The following CDC6 variants were observed in gnomAD, a reference collection of about 807,000 sequenced individuals.
The protein encoded by CDC6 is DNA replication factor CDC6.
A neutral mutation model predicts 60.2 loss-of-function variants in CDC6; 46 were observed. That is an observed-to-expected ratio of 0.76 (90% CI 0.60 to 0.98). The LOEUF (loss-of-function observed/expected upper bound fraction) is 0.98, where lower values mean the gene tolerates loss of function less well. CDC6 is among the 50% of genes least tolerant of loss of function. The probability of loss-of-function intolerance (pLI) is 0.00; values close to 1 mark genes in which losing one functional copy is unlikely to be tolerated. For missense variants in CDC6, 596 were observed against 652.9 expected, an observed-to-expected ratio of 0.91 and a Z score of 0.95; for synonymous variants, 210 against 233.2, an observed-to-expected ratio of 0.90 and a Z score of 0.90.
At chr17:40,299,166 T>TTTTTTTTTTTTG (rs1197322332) in intron 9 of CDC6, among the ~76,000 whole-genome samples, 1 of 138,876 alleles carries the variant, frequency 7.2e-6, no homozygotes. Context: ...TTTTTTTTTT[T>TTTTTTTTTTTTG]GAGACAGGGT....
intron 11 of CDC6, 84 bp from the exon 12 acceptor site, chr17:40,301,828 G>A (rs1018634509): frequency 9.8e-5 from 102 of 1,038,270 alleles, no homozygotes; most frequent in Non-Finnish European, 1.5e-4. Context: ...GTGAGAAAAA[G>A]TTTAATATGG....
chr17:40,297,736 G>A (rs1013546137), intron 9 of CDC6, among the ~76,000 whole-genome samples: 3 of 151,876 alleles, frequency 2.0e-5, no homozygotes, highest in African/African-American at 7.3e-5. Flanking sequence ...CCACTGCACT[G>A]CCAGCCTGGG....
chr17:40,295,547 A>C, intron 8 of CDC6, 91 bp downstream of exon 8: 2 of 900,778 alleles, frequency 2.2e-6, no homozygotes, highest in Middle Eastern at 5.4e-4. Context: ...AATGTGGCTT[A>C]AGAGGCTCTG....
At chr17:40,296,472 C>A (rs530773656) in intron 8 of CDC6, among the ~76,000 whole-genome samples, 1 of 152,182 alleles carries the variant, frequency 6.6e-6, no homozygotes, top group African/African-American at 2.4e-5. Context: ...CAATTAAGTC[C>A]CCTTATCTGA....
chr17:40,291,836 C>T (rs1400505862), intron 4 of CDC6, among the ~76,000 whole-genome samples, 168 bp downstream of exon 4: 3 of 152,178 alleles, frequency 2.0e-5, no homozygotes, highest in Non-Finnish European at 4.4e-5. Context: ...AGCTCTGCCT[C>T]CCAGGTTCAC....
chr17:40,289,875 ATTTTTTT>A (rs5820342), intron 2 of CDC6, among the ~76,000 whole-genome samples: 5 of 117,614 alleles, frequency 4.3e-5, no homozygotes, highest in South Asian at 5.4e-4. Context: ...AGCCTGGCTA[ATTTTTTT>A]TTTTTTTTTT....
intron 9 of CDC6, among the ~76,000 whole-genome samples, chr17:40,300,343 A>G (rs1167073433): frequency 2.6e-5 from 4 of 152,112 alleles, no homozygotes; most frequent in Non-Finnish European, 5.9e-5. Context: ...CTGAGATACT[A>G]GGAACTAGCC....
At chr17:40,299,752 A>C (rs1219598657) in intron 9 of CDC6, among the ~76,000 whole-genome samples, 1 of 133,656 alleles carries the variant, frequency 7.5e-6, no homozygotes, top group Non-Finnish European at 1.7e-5. Flanking sequence ...TACCAAAAAG[A>C]AAAAAAAAAA....
At position 40,300,997 on chromosome 17, in the gene CDC6, G is replaced by T. The variant is rs1272811130; in HGVS notation, c.1419G>T (p.Arg473Ser). The change falls in exon 10 of 12, where the codon AGG (arginine) becomes AGT (serine). Residue 473 changes from arginine to serine, a missense_variant. By Grantham distance (110) the Arg-to-Ser change is moderately radical (BLOSUM62 -1). Coordinates refer to ENST00000209728, the MANE Select transcript of CDC6 (RefSeq NM_001254.4). ...ILVCSLMLLIRQLKIKEVTLG... is the reference protein window; with the variant it reads ...ILVCSLMLLISQLKIKEVTLG... ...TTTGCTCTTTGATGCTCTTGATCAG[G>T]CAGTTGAAAATCAAAGAGGTCACTC... The T allele has an allele frequency of 1.2e-6, 2 of 1,613,944 alleles. No homozygotes were observed. Among genetic ancestry groups the T allele is most frequent in the East Asian group, 4.5e-5 (2 of 44,874 alleles).
At chr17:40,296,371 C>A (rs1369872534) in intron 8 of CDC6, among the ~76,000 whole-genome samples, 1 of 152,124 alleles carries the variant, frequency 6.6e-6, no homozygotes, top group African/African-American at 2.4e-5. Context: ...AAAATGTTAT[C>A]ATTGGCTTAA....
chr17:40,299,165 T>C (rs2032902039), intron 9 of CDC6, among the ~76,000 whole-genome samples: 1 of 143,472 alleles, frequency 7.0e-6, no homozygotes, highest in South Asian at 2.3e-4. Flanking sequence ...TTTTTTTTTT[T>C]TGAGACAGGG....
chr17:40,292,190 C>T (rs1379862656), intron 4 of CDC6, among the ~76,000 whole-genome samples: 1 of 152,126 alleles, frequency 6.6e-6, no homozygotes, highest in East Asian at 1.9e-4. Flanking sequence ...GCACTCACCA[C>T]TACACCCAGC....
At chr17:40,290,743 G>A (rs1180079582) in intron 2 of CDC6, among the ~76,000 whole-genome samples, 2 of 152,156 alleles carry the variant, frequency 1.3e-5, no homozygotes, top group African/African-American at 4.8e-5. Context: ...TTCATGTCTT[G>A]GGTAGGATGG....
At chr17:40,293,856 C>G (rs765450865) in intron 5 of CDC6, 94 bp from the exon 6 acceptor site, 26 of 1,126,782 alleles carry the variant, frequency 2.3e-5, no homozygotes, top group Non-Finnish European at 3.5e-5. Context: ...TTAAACTGGT[C>G]TCAGCTTTAG....
At chr17:40,299,445 G>GTGTTGTCCCCACTATGTGTCTA (rs1567736709) in intron 9 of CDC6, among the ~76,000 whole-genome samples, 37 of 152,072 alleles carry the variant, frequency 2.4e-4, no homozygotes, top group African/African-American at 8.7e-4. Flanking sequence ...AGGCCCCAGT[G>GTGTTGTCCCCACTATGTGTCTA]TGTGTTGTCC....
chr17:40,289,560 G>C lies in CDC6; in HGVS notation c.140G>C (p.Arg47Pro). 2 of 1,613,916 alleles carry C rather than the reference G, an allele frequency of 1.2e-6. No homozygotes were observed. Among genetic ancestry groups the C allele is most frequent in the Non-Finnish European group, 1.7e-6 (2 of 1,179,988 alleles). ...TNVQTVTCSPRVKALPLSPRK... is the reference protein window; with the variant it reads ...TNVQTVTCSPPVKALPLSPRK... ...GTCCAAACCGTAACCTGTTCTCCTC[G>C]TGTAAAAGCCCTGCCTCTCAGCCCC... Residue 47 changes from arginine (R) to proline (P), a missense_variant, in exon 2 of 12, where the codon CGT (arginine) becomes CCT (proline). By Grantham distance (103) the Arg-to-Pro change is moderately radical (BLOSUM62 -2). Coordinates refer to ENST00000209728, the MANE Select transcript of CDC6 (RefSeq NM_001254.4).
At position 40,287,968 on chromosome 17, in the gene CDC6, G is replaced by C. The variant is rs559165749; in HGVS notation, c.-136G>C. ...TGTGGTGGTGAGTCCGAGAGGCTGC[G>C]TGTGAGAGACGTGAGAAGGATCCTG... On this transcript the variant is annotated 5_prime_UTR_variant, in exon 1 of 12. Coordinates refer to ENST00000209728, the MANE Select transcript of CDC6 (RefSeq NM_001254.4). 3 of 153,374 alleles carry C rather than the reference G, an allele frequency of 2.0e-5. No individual in the cohort carries two copies. The highest frequency in any genetic ancestry group is 3.8e-4 in the East Asian group (2 of 5,216). The allele number at this position is 153,374 out of a possible 1,614,324, so 9.5% of individuals were successfully genotyped here.
At chr17:40,296,602 AG>A in intron 8 of CDC6, 100 bp from the exon 9 acceptor site, 1 of 730,162 alleles carries the variant, frequency 1.4e-6, no homozygotes, top group Non-Finnish European at 2.5e-6. Context: ...TCATAGTTGC[AG>A]TCTTTGAGCA....
At chr17:40,298,367 C>T (rs1290201601) in intron 9 of CDC6, among the ~76,000 whole-genome samples, 1 of 151,166 alleles carries the variant, frequency 6.6e-6, no homozygotes, top group Non-Finnish European at 1.5e-5. Flanking sequence ...CTTTTGACTT[C>T]TGGTTTGTGC....
Sources: gnomAD v4.1 joint callset for allele counts (sites outside exome capture counted in the v4.1 genomes callset) on GRCh38, gnomAD v4.1.1 for gene constraint, MANE v1.5 for transcripts, NCBI Gene and HGNC (gene_info 2026-07-23, HGNC 2026-07-21) for gene names.